Variants in CSMD1 observed in about 807,000 individuals in gnomAD.
CSMD1 encodes CUB and Sushi multiple domains 1, also known as CUB and sushi domain-containing protein 1.
A neutral mutation model predicts 417.5 loss-of-function variants in CSMD1; 213 were observed. That is an observed-to-expected ratio of 0.51 (90% CI 0.46 to 0.57). CSMD1 has a LOEUF of 0.57. Ranked by LOEUF, CSMD1 falls within the 20% of genes least tolerant of loss-of-function variation. The pLI is 0.00. For missense variants in CSMD1, 6,923 were observed against 4,529.7 expected (o/e 1.53, Z -15.17); for synonymous variants, 2,862 against 1,736.8 (o/e 1.65, Z -16.11).
In CSMD1 at chr8:3,412,057, C is replaced by CGTGTATACGTGTATAT. The variant is rs1240327423; in HGVS notation, c.1562-2453_1562-2452insATATACACGTATACAC. ...ATACACATATATACACGTATATATA[C>CGTGTATACGTGTATAT]ACACGTATATATACATATATACATA... is the stretch of plus-strand genomic sequence containing the variant. On this transcript the variant is annotated intron_variant, in intron 12 of 69. Transcript: ENST00000635120. Among the ~76,000 whole-genome samples the CGTGTATACGTGTATAT allele has an allele frequency of 2.8e-4, 19 of 66,858 alleles. 6 individuals carry two copies. The highest frequency in any genetic ancestry group is 6.9e-4 in the African/African-American group (11 of 15,942). 43.9% of individuals were successfully genotyped at this position (66,858 alleles called of 152,430 possible). A position where few individuals can be genotyped will look rare whatever the true frequency, so the allele number is the denominator to read the frequency against.
chr8:4,159,807 G>C (rs1022472271), intron 3 of CSMD1, among the ~76,000 whole-genome samples: 10 of 152,156 alleles, frequency 6.6e-5, no homozygotes, highest in Non-Finnish European at 1.0e-4. Flanking sequence ...CCAGGATAGG[G>C]AGACCATTAT....
chr8:4,346,691 T>C lies in CSMD1; in HGVS notation c.415+73262A>G, dbSNP rs114314803. On this transcript the variant is annotated intron_variant, in intron 3 of 69. Transcript: ENST00000635120. ...TTTTTTCTAATTTGCCTCGTATGAG[T>C]GCTAGTCAGAAATGTCGTATTATTT... 2.0e-5 allele frequency among the ~76,000 whole-genome samples: 3 copies of C among 152,258 alleles called. No individual in the cohort carries two copies. In the East Asian group the frequency reaches 5.8e-4, roughly 29 times the overall value.
chr8:3,103,863 C>T (rs1416407943), intron 46 of CSMD1, among the ~76,000 whole-genome samples: 8 of 152,138 alleles, frequency 5.3e-5, no homozygotes, highest in African/African-American at 1.4e-4. Flanking sequence ...CCTGCCTCAG[C>T]CTCCCAAGTA....
intron 5 of CSMD1, among the ~76,000 whole-genome samples, chr8:3,923,238 G>C (rs1000803230): frequency 6.6e-6 from 1 of 152,046 alleles, no homozygotes; most frequent in African/African-American, 2.4e-5. Context: ...GTCTGGTGGT[G>C]AATCTTCCAG....
chr8:3,003,053 T>C (rs975498671), intron 52 of CSMD1, among the ~76,000 whole-genome samples: 7 of 152,236 alleles, frequency 4.6e-5, no homozygotes, highest in Non-Finnish European at 7.3e-5. Context: ...CAATCTGTTT[T>C]TCACCTGTTA....
intron 1 of CSMD1, among the ~76,000 whole-genome samples, chr8:4,680,729 C>T (rs974345124): frequency 2.0e-5 from 3 of 151,860 alleles, no homozygotes; most frequent in African/African-American, 7.3e-5. Flanking sequence ...ACAGGTGAGG[C>T]CCACCACACC....
Position 4,745,196 on chromosome 8 carries a change from G to A in CSMD1, c.86-107638C>T, listed in dbSNP as rs7846372. ...TTCTAATCAATGAAACCTTAATTTTGTATACATACAAAGTTATAGCTATCC... is the reference window on the plus strand; with the variant it reads ...TTCTAATCAATGAAACCTTAATTTTATATACATACAAAGTTATAGCTATCC... On this transcript the variant is annotated intron_variant, in intron 1 of 69. Coordinates refer to ENST00000635120, the MANE Select transcript of CSMD1 (RefSeq NM_033225.6). Among the ~76,000 whole-genome samples the A allele has an allele frequency of 9.7e-3, 1,479 of 152,086 alleles. 20 individuals carry two copies. The highest frequency in any genetic ancestry group is 0.034 in the Middle Eastern group (10 of 294).
chr8:4,006,614 T>A (rs926509941), intron 4 of CSMD1, among the ~76,000 whole-genome samples: 1 of 152,192 alleles, frequency 6.6e-6, no homozygotes, highest in Non-Finnish European at 1.5e-5. Flanking sequence ...ATCCTTCCCC[T>A]TGTCAAATCC....
intron 5 of CSMD1, among the ~76,000 whole-genome samples, chr8:3,760,174 G>A (rs549607933): frequency 1.7e-3 from 256 of 152,252 alleles, no homozygotes; most frequent in African/African-American, 5.9e-3. Context: ...CCTATTTCTG[G>A]AGCATCTCAA....
intron 3 of CSMD1, among the ~76,000 whole-genome samples, chr8:4,033,154 A>AG: frequency 6.7e-6 from 1 of 150,304 alleles, no homozygotes; most frequent in South Asian, 2.1e-4. Context: ...AAAAAAAAAA[A>AG]ACCTGGCCAG....
intron 1 of CSMD1, among the ~76,000 whole-genome samples, chr8:4,809,224 G>T (rs1265811414): frequency 1.3e-5 from 2 of 152,164 alleles, no homozygotes; most frequent in African/African-American, 4.8e-5. Flanking sequence ...TAGGAGAAAA[G>T]ATAGAGTTTT....
intron 1 of CSMD1, among the ~76,000 whole-genome samples, chr8:4,979,134 C>T (rs76991512): frequency 6.6e-6 from 1 of 152,234 alleles, no homozygotes; most frequent in East Asian, 1.9e-4. Flanking sequence ...TACTGAGTCT[C>T]TAATTGTATT....
intron 3 of CSMD1, among the ~76,000 whole-genome samples, chr8:4,260,701 C>T (rs941465725): frequency 5.9e-5 from 9 of 152,038 alleles, no homozygotes; most frequent in Admixed American, 1.3e-4. Flanking sequence ...ATTCCCATGT[C>T]GTTGGTTTAT....
chr8:3,278,636 T>A (rs1043152365), intron 26 of CSMD1: 1 of 138,824 alleles, frequency 7.2e-6, no homozygotes, highest in African/African-American at 2.7e-5. Context: ...ACAATCTAAT[T>A]TATAGGTAAA....
intron 41 of CSMD1, among the ~76,000 whole-genome samples, chr8:3,135,739 C>T (rs1818042499): frequency 6.6e-6 from 1 of 152,116 alleles, no homozygotes; most frequent in Admixed American, 6.6e-5. Flanking sequence ...CCAAGTTGAC[C>T]TAACACATAG....
intron 10 of CSMD1, among the ~76,000 whole-genome samples, chr8:3,571,999 A>G (rs1799964517): frequency 6.6e-6 from 1 of 152,166 alleles, no homozygotes; most frequent in African/African-American, 2.4e-5. Flanking sequence ...ACGGTAGCCC[A>G]TTCATTTGAC....
chr8:3,944,715 CTT>C (rs886586959), intron 5 of CSMD1, among the ~76,000 whole-genome samples: 3 of 152,124 alleles, frequency 2.0e-5, no homozygotes, highest in African/African-American at 4.8e-5. Context: ...ACATTTGTCT[CTT>C]GACAATATTT....
intron 3 of CSMD1, among the ~76,000 whole-genome samples, chr8:4,155,043 T>C (rs911276803): frequency 1.3e-5 from 2 of 152,224 alleles, no homozygotes; most frequent in African/African-American, 2.4e-5. Flanking sequence ...CTAACACTGC[T>C]GCAGAATTTG....
At chr8:4,906,906 G>A (rs574408168) in intron 1 of CSMD1, among the ~76,000 whole-genome samples, 3 of 152,258 alleles carry the variant, frequency 2.0e-5, no homozygotes, top group South Asian at 4.2e-4. Context: ...GTGAGTAAAT[G>A]TGGAAACTGA....
Sources: gnomAD v4.1 joint callset for allele counts (sites outside exome capture counted in the v4.1 genomes callset) on GRCh38, gnomAD v4.1.1 for gene constraint, MANE v1.5 for transcripts, NCBI Gene and HGNC (gene_info 2026-07-23, HGNC 2026-07-21) for gene names.